Variants in MSMB observed in about 807,000 individuals in gnomAD.
MSMB encodes the protein beta-microseminoprotein.
MSMB carries 10 observed loss-of-function variants against 10.5 expected under a neutral mutation model. The observed-to-expected ratio is 0.95, with a 90% CI of 0.59 to 1.62. MSMB has a LOEUF of 1.62. Among genes scored for constraint, MSMB ranks in the 40% most tolerant of loss-of-function variants. The pLI is 0.00. For missense variants in MSMB, 126 were observed against 137.4 expected, an observed-to-expected ratio of 0.92 and a Z score of 0.42; for synonymous variants, 43 against 46.5, an observed-to-expected ratio of 0.93 and a Z score of 0.30.
intron 3 of MSMB, among the ~76,000 whole-genome samples, chr10:46,036,351 G>GAGGTGAGGCAATTCCAGGGAAGA (rs1840604436): frequency 6.6e-6 from 1 of 152,166 alleles, no homozygotes; most frequent in Non-Finnish European, 1.5e-5. Context: ...AAAAACAAAG[G>GAGGTGAGGCAATTCCAGGGAAGA]AGGTGAGGCA....
In MSMB at chr10:46,046,226, G is replaced by A. The variant is rs772006243; in HGVS notation, c.3+9C>T. The stretch of plus-strand genomic sequence containing the variant: ...TTTCTAGCCTTTATATATAAAACCA[G>A]TTACCTACCATTGTGATAAGCAGGA... On this transcript the variant is annotated intron_variant, in intron 1 of 3. Coordinates refer to ENST00000582163, the MANE Select transcript of MSMB (RefSeq NM_002443.4). 6.2e-7 allele frequency: 1 copy of A among 1,611,260 alleles called. No individual in the cohort carries two copies. Among genetic ancestry groups the A allele is most frequent in the African/African-American group, 1.3e-5 (1 of 74,966 alleles).
In MSMB at chr10:46,039,366, G is replaced by A. The variant is rs548666089; in HGVS notation, c.110-295C>T. 7.2e-5 allele frequency among the ~76,000 whole-genome samples: 11 copies of A among 152,332 alleles called. No individual in the cohort carries two copies. The East Asian group carries it at 1.3e-3, about 19-fold the overall frequency. ...CTTTTATTGAATTAGATAGCCATGT[G>A]AGCCTGTGGGTACTTGGGACCACAT... On this transcript the variant is annotated intron_variant, in intron 2 of 3. Transcript: ENST00000582163.
intron 1 of MSMB, among the ~76,000 whole-genome samples, chr10:46,043,270 C>A (rs1840793953): frequency 6.6e-6 from 1 of 152,160 alleles, no homozygotes; most frequent in South Asian, 2.1e-4. Context: ...AAGTCTCCTG[C>A]AGCTCTAGAG....
At chr10:46,043,270 C>T (rs1840793953) in intron 1 of MSMB, among the ~76,000 whole-genome samples, 1 of 152,160 alleles carries the variant, frequency 6.6e-6, no homozygotes, top group Non-Finnish European at 1.5e-5. Context: ...AAGTCTCCTG[C>T]AGCTCTAGAG....
At chr10:46,042,614 C>T (rs1254151197) in intron 1 of MSMB, among the ~76,000 whole-genome samples, 1 of 152,140 alleles carries the variant, frequency 6.6e-6, no homozygotes, top group East Asian at 1.9e-4. Context: ...CAGACTCCTC[C>T]ACAACGATGC....
At chr10:46,044,760 T>C (rs1554929209) in intron 1 of MSMB, among the ~76,000 whole-genome samples, 1 of 151,732 alleles carries the variant, frequency 6.6e-6, no homozygotes, top group African/African-American at 2.4e-5. Context: ...GAGACCAGCC[T>C]GGGCAACATA....
intron 1 of MSMB, among the ~76,000 whole-genome samples, chr10:46,042,325 A>G (rs1207697536): frequency 6.6e-6 from 1 of 152,172 alleles, no homozygotes; most frequent in African/African-American, 2.4e-5. Flanking sequence ...AAACACATGA[A>G]AAAGTTCAAC....
At chr10:46,033,681 A>G in intron 3 of MSMB, 130 bp from the exon 4 acceptor site, 2 of 1,345,044 alleles carry the variant, frequency 1.5e-6, no homozygotes, top group East Asian at 4.8e-5. Flanking sequence ...GCAGCCCCAG[A>G]GTGTGACCTC....
chr10:46,034,347 C>G (rs1212801064), intron 3 of MSMB, among the ~76,000 whole-genome samples: 1 of 151,548 alleles, frequency 6.6e-6, no homozygotes, highest in Non-Finnish European at 1.5e-5. Context: ...CCAGGCAGGT[C>G]TCGAACTCCT....
At chr10:46,034,457 C>G (rs1840549532) in intron 3 of MSMB, among the ~76,000 whole-genome samples, 1 of 151,398 alleles carries the variant, frequency 6.6e-6, no homozygotes, top group South Asian at 2.1e-4. Flanking sequence ...GTGGAAAAAT[C>G]AGCCCACAAA....
intron 1 of MSMB, among the ~76,000 whole-genome samples, chr10:46,042,693 G>A (rs1554928798): frequency 6.6e-6 from 1 of 152,176 alleles, no homozygotes; most frequent in African/African-American, 2.4e-5. Flanking sequence ...CAGTGACTCA[G>A]AAAAACACCT....
chr10:46,038,568 G>A (rs868907347), intron 3 of MSMB, among the ~76,000 whole-genome samples: 2 of 152,102 alleles, frequency 1.3e-5, no homozygotes, highest in South Asian at 2.1e-4. Context: ...GATTACAGGC[G>A]TGAGCCATTG....
At position 46,043,706 on chromosome 10, in the gene MSMB, G is replaced by A. The variant is rs118147162; in HGVS notation, c.3+2529C>T. 7.6e-3 allele frequency among the ~76,000 whole-genome samples: 1,151 copies of A among 152,068 alleles called. 7 individuals carry two copies. Among genetic ancestry groups the A allele is most frequent in the East Asian group, 0.019 (96 of 5,152 alleles). ...TTGTTTCTTTTTGGGACGGAATCTCGTTCTATCGCCTAGAGTAGAGTTCAG... is the reference window on the plus strand; with the variant it reads ...TTGTTTCTTTTTGGGACGGAATCTCATTCTATCGCCTAGAGTAGAGTTCAG... On this transcript the variant is annotated intron_variant, in intron 1 of 3. Transcript: ENST00000582163.
intron 1 of MSMB, among the ~76,000 whole-genome samples, chr10:46,042,431 AT>A (rs1328094203): frequency 6.6e-6 from 1 of 152,248 alleles, no homozygotes; most frequent in Non-Finnish European, 1.5e-5. Context: ...CCAGAGGGAA[AT>A]AGAGGTATCT....
At chr10:46,044,575 G>GGA (rs1554929177) in intron 1 of MSMB, among the ~76,000 whole-genome samples, 1 of 38,530 alleles carries the variant, frequency 2.6e-5, no homozygotes, top group South Asian at 2.1e-3. Flanking sequence ...CTCCGTCTCA[G>GGA]AAAAAAAAAA....
intron 1 of MSMB, 71 bp from the exon 2 acceptor site, chr10:46,040,162 T>C (rs1451318535): frequency 5.9e-6 from 8 of 1,345,278 alleles, no homozygotes; most frequent in Non-Finnish European, 8.4e-6. Flanking sequence ...GAGTGCTGTG[T>C]ACCAGGATCT....
intron 1 of MSMB, 91 bp downstream of exon 1, chr10:46,046,144 A>G: frequency 2.3e-6 from 3 of 1,303,860 alleles, no homozygotes; most frequent in East Asian, 2.3e-5. Flanking sequence ...TTACCATTCA[A>G]TGCTATGTGG....
intron 1 of MSMB, among the ~76,000 whole-genome samples, chr10:46,043,875 A>C (rs1554928999): frequency 6.6e-6 from 1 of 151,870 alleles, no homozygotes; most frequent in Non-Finnish European, 1.5e-5. Context: ...TAGTTTCATC[A>C]TGTTGGCCAG....
intron 3 of MSMB, among the ~76,000 whole-genome samples, chr10:46,034,275 G>C (rs1485390748): frequency 6.6e-6 from 1 of 151,788 alleles, no homozygotes; most frequent in Non-Finnish European, 1.5e-5. Context: ...ACTACACCCA[G>C]CTAATTTTTA....
Sources: gnomAD v4.1 joint callset for allele counts (sites outside exome capture counted in the v4.1 genomes callset) on GRCh38, gnomAD v4.1.1 for gene constraint, MANE v1.5 for transcripts, NCBI Gene and HGNC (gene_info 2026-07-23, HGNC 2026-07-21) for gene names.